Variants in HTR3B observed in about 807,000 individuals in gnomAD.
HTR3B encodes 5-hydroxytryptamine receptor 3B.
A neutral mutation model predicts 42.8 loss-of-function variants in HTR3B; 44 were observed. That is an observed-to-expected ratio of 1.03 (90% CI 0.81 to 1.32). The LOEUF is 1.32. Ranked by LOEUF, HTR3B falls within the 40% of genes most tolerant of loss-of-function variation. The probability of loss-of-function intolerance (pLI) is 0.00; values close to 1 mark genes in which losing one functional copy is unlikely to be tolerated. For synonymous variants in HTR3B, 203 were observed against 209.0 expected, an observed-to-expected ratio of 0.97 and a Z score of 0.25; for missense variants, 527 against 536.5, an observed-to-expected ratio of 0.98 and a Z score of 0.17.
At chr11:113,929,361 G>A (rs1950008967) in intron 2 of HTR3B, among the ~76,000 whole-genome samples, 1 of 152,090 alleles carries the variant, frequency 6.6e-6, no homozygotes, top group Non-Finnish European at 1.5e-5. Flanking sequence ...CAATTCTGGA[G>A]GCTGGGAGTC....
Position 113,946,029 on chromosome 11 carries a change from G to T in HTR3B, c.1218G>T (p.Leu406=). 1 of 1,613,906 alleles carries T rather than the reference G, an allele frequency of 6.2e-7. No individual in the cohort carries two copies. The highest frequency in any genetic ancestry group is 8.5e-7 in the Non-Finnish European group (1 of 1,179,894). ...DQTDQQEAEW[L]VLLSRFDRLL... ...CAGACCAACAGGAGGCAGAGTGGCT[G>T]GTCCTCCTGTCCCGCTTTGACCGAC... The change falls in exon 9 of 9, where the codon CTG becomes CTT. Residue 406 remains leucine (L), a synonymous_variant. Transcript: ENST00000260191.
rs144980029 is a variant in HTR3B, at chr11:113,946,042, C to T, written c.1231C>T (p.Arg411Cys). 5.1e-5 allele frequency: 82 copies of T among 1,613,920 alleles called. No homozygotes were observed. The highest frequency in any genetic ancestry group is 3.1e-4 in the African/African-American group (23 of 74,886). The change falls in exon 9 of 9, where the codon CGC becomes TGC. Residue 411 changes from arginine to cysteine, a missense_variant. Physicochemically the swap from Arg to Cys is radical, Grantham distance 180. Coordinates refer to ENST00000260191, the MANE Select transcript of HTR3B (RefSeq NM_006028.5). ...GGCAGAGTGGCTGGTCCTCCTGTCC[C>T]GCTTTGACCGACTGCTCTTCCAAAG... ...QEAEWLVLLS[R>C]FDRLLFQSYL...
intron 2 of HTR3B, among the ~76,000 whole-genome samples, chr11:113,917,300 T>G (rs1054080882): frequency 1.3e-5 from 2 of 152,014 alleles, no homozygotes; most frequent in Non-Finnish European, 2.9e-5. Context: ...GCCCAGCTAA[T>G]TTTTCTACTT....
chr11:113,939,653 C>T (rs958796751), intron 6 of HTR3B, among the ~76,000 whole-genome samples: 33 of 152,172 alleles, frequency 2.2e-4, no homozygotes, highest in African/African-American at 8.0e-4. Flanking sequence ...GTCGTGTCAG[C>T]CTCTGGGTGG....
At chr11:113,944,531 T>A (rs1388262341) in intron 7 of HTR3B, 42 bp from the exon 8 acceptor site, 2 of 1,596,620 alleles carry the variant, frequency 1.3e-6, no homozygotes, top group Non-Finnish European at 1.7e-6. Context: ...GATGCTGCAT[T>A]TCAGACTGGA....
intron 1 of HTR3B, among the ~76,000 whole-genome samples, chr11:113,906,884 C>T (rs1366897696): frequency 6.6e-6 from 1 of 152,176 alleles, no homozygotes; most frequent in Non-Finnish European, 1.5e-5. Flanking sequence ...AGCCTGGTGC[C>T]TGGCATACAG....
intron 4 of HTR3B, among the ~76,000 whole-genome samples, chr11:113,932,082 G>C (rs987587376): frequency 6.6e-6 from 1 of 152,166 alleles, no homozygotes; most frequent in African/African-American, 2.4e-5. Flanking sequence ...TGTCTGTGTT[G>C]TTATAGCAGC....
chr11:113,903,493 G>C (rs187621820), upstream of HTR3B, among the ~76,000 whole-genome samples: 58 of 146,560 alleles, frequency 4.0e-4, no homozygotes, highest in African/African-American at 1.2e-3. Flanking sequence ...GCAGTGGCGC[G>C]ATCTTGGTTC....
At chr11:113,944,528 C>A (rs754948788) in intron 7 of HTR3B, 45 bp from the exon 8 acceptor site, 7 of 1,586,918 alleles carry the variant, frequency 4.4e-6, no homozygotes, top group East Asian at 2.2e-5. Context: ...TCTGATGCTG[C>A]ATTTCAGACT....
At chr11:113,944,848 A>C (rs1020779642) in intron 8 of HTR3B, 93 bp downstream of exon 8, 14 of 1,235,264 alleles carry the variant, frequency 1.1e-5, no homozygotes, top group Non-Finnish European at 1.6e-5. Flanking sequence ...GCGTTGGCCT[A>C]TGTGAAAAAC....
chr11:113,921,051 G>A (rs1949906844), intron 2 of HTR3B, among the ~76,000 whole-genome samples: 2 of 150,712 alleles, frequency 1.3e-5, no homozygotes, highest in Admixed American at 1.3e-4. Context: ...GACCGCAAGT[G>A]ATCCACCCAC....
At chr11:113,902,342 G>C (rs1033921837), upstream of HTR3B, among the ~76,000 whole-genome samples, 3 of 152,060 alleles carry the variant, frequency 2.0e-5, no homozygotes, top group African/African-American at 7.2e-5. Context: ...TGTCGCCCAG[G>C]CTGAAGTGCA....
rs931366686 is a variant in HTR3B at position 113,948,838 on chromosome 11, G to A, written c.*2701G>A. On this transcript the variant is annotated 3_prime_UTR_variant, in exon 9 of 9. Coordinates refer to ENST00000260191, the MANE Select transcript of HTR3B (RefSeq NM_006028.5). ...AGATCGTGCCATTGCACTCCAGCCCGGGCAACAAGAGCTAAACTCTATCTC... is the reference window on the plus strand; with the variant it reads ...AGATCGTGCCATTGCACTCCAGCCCAGGCAACAAGAGCTAAACTCTATCTC... Among the ~76,000 whole-genome samples the A allele has an allele frequency of 2.0e-5, 3 of 150,396 alleles. No individual in the cohort carries two copies. The highest frequency in any genetic ancestry group is 2.0e-4 in the East Asian group (1 of 5,070).
At chr11:113,899,526 C>T in the HTR3B span, among the ~76,000 whole-genome samples, 1 of 152,100 alleles carries the variant, frequency 6.6e-6, no homozygotes, top group African/African-American at 2.4e-5. Flanking sequence ...AGGGAGTGAA[C>T]AAAGAGAGTT....
chr11:113,930,486 T>C (rs1267688891), intron 2 of HTR3B, among the ~76,000 whole-genome samples: 1 of 146,190 alleles, frequency 6.8e-6, no homozygotes, highest in Non-Finnish European at 1.5e-5. Context: ...TTTTCTTTTC[T>C]CTTTTTTTTT....
At chr11:113,923,721 C>T (rs911460197) in intron 2 of HTR3B, among the ~76,000 whole-genome samples, 4 of 151,982 alleles carry the variant, frequency 2.6e-5, no homozygotes, top group African/African-American at 4.8e-5. Context: ...AAAAACAGGG[C>T]GAGATACACA....
chr11:113,902,953 C>CT (rs2137477558), upstream of HTR3B, among the ~76,000 whole-genome samples: 1 of 152,298 alleles, frequency 6.6e-6, no homozygotes, highest in African/African-American at 2.4e-5. Flanking sequence ...ACTGCAGACT[C>CT]TATCTCCTGA....
intron 7 of HTR3B, 65 bp downstream of exon 7, chr11:113,943,257 C>T: frequency 7.4e-7 from 1 of 1,354,694 alleles, no homozygotes; most frequent in East Asian, 2.5e-5. Flanking sequence ...CTAATGCTGG[C>T]CAGGCATGGT....
chr11:113,917,135 A>ATTT (rs60959011), intron 2 of HTR3B, among the ~76,000 whole-genome samples: 139 of 142,884 alleles, frequency 9.7e-4, no homozygotes, highest in East Asian at 3.9e-3. Context: ...GAAATCTTCT[A>ATTT]TTTTTTTTTT....
Sources: allele counts gnomAD v4.1 joint callset (sites outside exome capture counted in the v4.1 genomes callset), GRCh38; gene constraint gnomAD v4.1.1; transcripts MANE v1.5; gene names NCBI Gene and HGNC (gene_info 2026-07-23, HGNC 2026-07-21).